ERAP1: variants seen among roughly 807,000 people sequenced by gnomAD.
The protein encoded by ERAP1 is adipocyte-derived leucine aminopeptidase.
ERAP1 carries 86 observed loss-of-function variants against 103.7 expected under a neutral mutation model. That is an observed-to-expected ratio of 0.83 (90% CI 0.70 to 0.99). The LOEUF (loss-of-function observed/expected upper bound fraction) is 0.99. Ranked by LOEUF, ERAP1 falls within the 50% of genes least tolerant of loss-of-function variation. ERAP1 has a pLI of 0.00. For synonymous variants in ERAP1, 398 were observed against 402.4 expected, an observed-to-expected ratio of 0.99 and a Z score of 0.13; for missense variants, 1,009 against 1,128.4, an observed-to-expected ratio of 0.89 and a Z score of 1.52.
intron 1 of ERAP1, chr5:96,805,751 A>ACTGG (rs1305912034): frequency 6.6e-6 from 1 of 152,272 alleles, no homozygotes; most frequent in Non-Finnish European, 1.5e-5. Flanking sequence ...ATATGGAATT[A>ACTGG]CTGGCAGCAA....
the ERAP1 span, among the ~76,000 whole-genome samples, chr5:96,871,373 G>C: frequency 5.3e-5 from 8 of 152,190 alleles, no homozygotes; most frequent in Non-Finnish European, 1.0e-4. Context: ...TTAAGCAGGA[G>C]AATAAATCAG....
chr5:96,792,853 A>G (rs1179965237), intron 7 of ERAP1, among the ~76,000 whole-genome samples: 1 of 152,238 alleles, frequency 6.6e-6, no homozygotes, highest in African/African-American at 2.4e-5. Flanking sequence ...TCATTGGAGT[A>G]GGATAAAAAA....
In ERAP1 at chr5:96,788,788, C is replaced by T. The variant is rs953903964; in HGVS notation, c.1525-103G>A. ...CAAACAGCCGCTACCAGTTGCCAAC[C>T]TCCCCTCTTAGGAGCACTTTCTGAT... On this transcript the variant is annotated intron_variant, in intron 10 of 18. Transcript: ENST00000443439. The T allele has an allele frequency of 2.8e-6, 4 of 1,443,376 alleles. No individual in the cohort carries two copies. The African/African-American group carries it at 4.2e-5, about 15-fold the overall frequency. The allele number at this position is 1,443,376 out of a possible 1,614,324, so 89.4% of individuals were successfully genotyped here.
the ERAP1 span, among the ~76,000 whole-genome samples, chr5:96,905,923 G>A: frequency 6.8e-6 from 1 of 147,630 alleles, no homozygotes; most frequent in African/African-American, 2.5e-5. Flanking sequence ...AGTTTGGAGA[G>A]ATAATTTTTT....
At chr5:96,856,335 A>T in the ERAP1 span, among the ~76,000 whole-genome samples, 1 of 22,346 alleles carries the variant, frequency 4.5e-5, no homozygotes, top group Non-Finnish European at 1.1e-4. Context: ...AAAAAAAAAA[A>T]AAAAAAAAAA....
At chr5:96,786,600 C>G in intron 11 of ERAP1, 51 bp from the exon 12 acceptor site, 1 of 1,224,802 alleles carries the variant, frequency 8.2e-7, no homozygotes. Context: ...ATTCAACAAG[C>G]AGTTATTAAA....
At chr5:96,883,681 G>A in the ERAP1 span, 1 of 1,093,536 alleles carries the variant, frequency 9.1e-7, no homozygotes, top group East Asian at 2.7e-5. Flanking sequence ...TGCAGTTTGA[G>A]AAATCAAGTC....
At chr5:96,822,988 C>T in the ERAP1 span, 1 of 451,986 alleles carries the variant, frequency 2.2e-6, no homozygotes, top group Non-Finnish European at 4.5e-6. Flanking sequence ...AGGTTGTTGG[C>T]AGAATTCAGT....
At chr5:96,859,916 G>A in the ERAP1 span, among the ~76,000 whole-genome samples, 1 of 152,128 alleles carries the variant, frequency 6.6e-6, no homozygotes, top group Non-Finnish European at 1.5e-5. Context: ...CCTCTAGCTG[G>A]TGTAAAATAA....
At chr5:96,768,327 G>C in intron 19 of ERAP1, 1 of 419,522 alleles carries the variant, frequency 2.4e-6, no homozygotes, top group Non-Finnish European at 4.6e-6. Context: ...CAAGTGATCT[G>C]CCAACCTCTA....
At chr5:96,808,222 G>C (rs1778903026), upstream of ERAP1, 1 of 560,694 alleles carries the variant, frequency 1.8e-6, no homozygotes, top group Non-Finnish European at 2.2e-6. Context: ...GTGTGTGTGT[G>C]TGTGTGTGTG....
At chr5:96,790,405 T>C (rs1776601282) in intron 9 of ERAP1, 38 bp from the exon 10 acceptor site, 8 of 1,611,032 alleles carry the variant, frequency 5.0e-6, no homozygotes, top group South Asian at 1.1e-5. Flanking sequence ...CTTATTTCTA[T>C]AGAAAACAAT....
the ERAP1 span, chr5:96,917,636 G>C: frequency 6.3e-7 from 1 of 1,584,620 alleles, no homozygotes; most frequent in Non-Finnish European, 8.6e-7. Context: ...GCTGGGCGCG[G>C]TGGCTCACGC....
rs1261399147 is a variant in ERAP1, at chr5:96,776,265, A to T, written c.*131T>A. On this transcript the variant is annotated 3_prime_UTR_variant, in exon 19 of 19. Transcript: ENST00000443439. ...ACTAACAGCTATTCTTTTCACAGGG[A>T]TAGTCAAAAAATGAGTTGAAGGGAA... 4 of 1,436,386 alleles carry T rather than the reference A, an allele frequency of 2.8e-6. No individual in the cohort carries two copies. The highest frequency in any genetic ancestry group is 1.9e-4 in the Middle Eastern group (1 of 5,280). The allele number at this position is 1,436,386 out of a possible 1,614,324, so 89.0% of individuals were successfully genotyped here.
the ERAP1 span, among the ~76,000 whole-genome samples, chr5:96,816,905 G>A: frequency 1.3e-5 from 2 of 152,102 alleles, no homozygotes; most frequent in Admixed American, 6.5e-5. Flanking sequence ...ATAAGACCCC[G>A]GACCTCACCA....
At chr5:96,845,476 C>T in the ERAP1 span, among the ~76,000 whole-genome samples, 1 of 152,174 alleles carries the variant, frequency 6.6e-6, no homozygotes, top group Non-Finnish European at 1.5e-5. Flanking sequence ...CTCAAGTGAT[C>T]TGCCCACCTT....
the ERAP1 span, chr5:96,879,931 C>T: frequency 4.3e-6 from 7 of 1,614,162 alleles, no homozygotes; most frequent in Non-Finnish European, 5.9e-6. Context: ...ACCTCTTTGT[C>T]CACCCCAATC....
At chr5:96,800,797 G>T in intron 3 of ERAP1, 65 bp downstream of exon 3, 1 of 1,546,048 alleles carries the variant, frequency 6.5e-7, no homozygotes. Context: ...CTGTCACTGG[G>T]CTAGTGCAAG....
the ERAP1 span, chr5:96,909,805 T>C: frequency 6.3e-7 from 1 of 1,593,704 alleles, no homozygotes; most frequent in African/African-American, 1.3e-5. Flanking sequence ...TCTTTTCTCT[T>C]TGATGTAAAA....
Sources: allele counts gnomAD v4.1 joint callset (sites outside exome capture counted in the v4.1 genomes callset), GRCh38; gene constraint gnomAD v4.1.1; transcripts MANE v1.5; gene names NCBI Gene and HGNC (gene_info 2026-07-23, HGNC 2026-07-21).